Variants in SFXN5 observed in about 807,000 individuals in gnomAD.
SFXN5 encodes sideroflexin-5.
A neutral mutation model predicts 50.2 loss-of-function variants in SFXN5; 43 were observed. That is an observed-to-expected ratio of 0.86 (90% confidence interval 0.67 to 1.11). The LOEUF (loss-of-function observed/expected upper bound fraction) is 1.11, where lower values mean the gene tolerates loss of function less well. Among genes scored for constraint, SFXN5 ranks in the 50% least tolerant of loss-of-function variants. The pLI is 0.00. For synonymous variants in SFXN5, 203 were observed against 185.8 expected, an observed-to-expected ratio of 1.09 and a Z score of -0.75; for missense variants, 463 against 454.1, an observed-to-expected ratio of 1.02 and a Z score of -0.18.
In SFXN5 at chr2:72,959,540, T is replaced by C. The variant is rs561652556; in HGVS notation, c.945+1591A>G. Among the ~76,000 whole-genome samples, 9 of 152,236 alleles carry C rather than the reference T, an allele frequency of 5.9e-5. No individual in the cohort carries two copies. The South Asian group carries it at 1.0e-3, about 18-fold the overall frequency. ...CTTCCCCACCCTACTCTCTCCTGTC[T>C]GCTCAGTCACAAGAACACAGGAGCC... is the stretch of plus-strand genomic sequence containing the variant. On this transcript the variant is annotated intron_variant, in intron 13 of 13. Coordinates refer to ENST00000272433, the MANE Select transcript of SFXN5 (RefSeq NM_144579.3).
At chr2:72,998,845 A>C in intron 9 of SFXN5, 104 bp downstream of exon 9, 2 of 1,312,080 alleles carry the variant, frequency 1.5e-6, no homozygotes, top group Non-Finnish European at 2.1e-6. Context: ...CTGTCTCCCA[A>C]ATCCTTGCCT....
intron 10 of SFXN5, among the ~76,000 whole-genome samples, chr2:72,983,774 C>T (rs75816062): frequency 4.3e-4 from 66 of 152,322 alleles, no homozygotes; most frequent in African/African-American, 1.5e-3. Context: ...ACCTCTGGGA[C>T]CCAGGACTTG....
intron 10 of SFXN5, among the ~76,000 whole-genome samples, chr2:72,972,697 T>C (rs966744873): frequency 6.6e-6 from 1 of 151,864 alleles, no homozygotes; most frequent in Non-Finnish European, 1.5e-5. Flanking sequence ...GGTGGGCAGG[T>C]GGGGAGTGGG....
intron 7 of SFXN5, among the ~76,000 whole-genome samples, chr2:73,000,731 C>A (rs1673803756): frequency 6.6e-6 from 1 of 152,200 alleles, no homozygotes; most frequent in Non-Finnish European, 1.5e-5. Context: ...GTCCTGCGCA[C>A]CCCAGTAGTC....
intron 13 of SFXN5, among the ~76,000 whole-genome samples, chr2:72,947,343 C>T (rs564933740): frequency 2.0e-5 from 3 of 152,350 alleles, no homozygotes; most frequent in South Asian, 2.1e-4. Flanking sequence ...ACATCAGCCC[C>T]GATGTTGGGC....
chr2:73,064,914 G>A (rs1326474136), intron 1 of SFXN5, among the ~76,000 whole-genome samples: 2 of 152,162 alleles, frequency 1.3e-5, no homozygotes, highest in Non-Finnish European at 2.9e-5. Context: ...ACCCTCTAGA[G>A]TGGCTGGGAC....
chr2:73,046,088 C>T (rs1324796929), intron 2 of SFXN5, among the ~76,000 whole-genome samples: 2 of 152,284 alleles, frequency 1.3e-5, no homozygotes, highest in Middle Eastern at 3.4e-3. Flanking sequence ...GGAATTTACT[C>T]TAAAAAGTAA....
intron 5 of SFXN5, among the ~76,000 whole-genome samples, chr2:73,021,127 C>G (rs1041210176): frequency 6.6e-6 from 1 of 152,112 alleles, no homozygotes; most frequent in Non-Finnish European, 1.5e-5. Context: ...TCAAAAAGGT[C>G]AAGAATTACA....
chr2:72,982,265 G>A (rs1671398905), intron 10 of SFXN5, among the ~76,000 whole-genome samples: 1 of 152,002 alleles, frequency 6.6e-6, no homozygotes, highest in Admixed American at 6.6e-5. Context: ...GGAAAGGGGT[G>A]GGCCCATTGG....
At chr2:72,991,401 G>C in intron 9 of SFXN5, among the ~76,000 whole-genome samples, 1 of 152,292 alleles carries the variant, frequency 6.6e-6, no homozygotes, top group East Asian at 1.9e-4. Flanking sequence ...CCAAGAAAGG[G>C]GCTGGGGACC....
In SFXN5 at chr2:72,944,100, A is replaced by G. The variant is rs1671690550; in HGVS notation, c.*922T>C. On this transcript the variant is annotated 3_prime_UTR_variant, in exon 14 of 14. Transcript: ENST00000272433. The stretch of plus-strand genomic sequence containing the variant: ...GCCTTGGTGGCTGGAGAAGCTCCGC[A>G]GAAGGCAGCCAGCCCAGTCTAGCCC... 6.6e-6 allele frequency: 1 copy of G among 152,314 alleles called. No homozygotes were observed. The highest frequency in any genetic ancestry group is 1.5e-5 in the Non-Finnish European group (1 of 68,106). 9.4% of individuals were successfully genotyped at this position (152,314 alleles called of 1,614,324 possible). A position where few individuals can be genotyped will look rare whatever the true frequency, so the allele number is the denominator to read the frequency against.
intron 3 of SFXN5, among the ~76,000 whole-genome samples, chr2:73,034,571 T>C (rs80013209): frequency 8.2e-4 from 125 of 152,260 alleles, no homozygotes; most frequent in Non-Finnish European, 1.4e-3. Context: ...TTCATTACCC[T>C]GGGTGCAGGG....
chr2:72,959,836 A>G (rs1171587467), intron 13 of SFXN5, among the ~76,000 whole-genome samples: 1 of 152,158 alleles, frequency 6.6e-6, no homozygotes, highest in Non-Finnish European at 1.5e-5. Context: ...ATACATAAAT[A>G]AAAGCCCCTC....
At chr2:73,059,183 C>A in intron 1 of SFXN5, 1 of 986,276 alleles carries the variant, frequency 1.0e-6, no homozygotes, top group Admixed American at 6.1e-5. Flanking sequence ...AGAGCAGGGG[C>A]CGTGGAAAAG....
chr2:73,070,020 T>G (rs992788456), intron 1 of SFXN5, among the ~76,000 whole-genome samples: 5 of 152,084 alleles, frequency 3.3e-5, no homozygotes, highest in African/African-American at 4.8e-5. Context: ...TGGAGAGCTA[T>G]GAGGATCTGA....
chr2:73,014,217 A>G (rs1675884283), intron 6 of SFXN5, among the ~76,000 whole-genome samples: 2 of 152,092 alleles, frequency 1.3e-5, no homozygotes, highest in African/African-American at 2.4e-5. Flanking sequence ...TTTTCTTTTC[A>G]TATTTAAATG....
At chr2:73,026,135 T>C (rs1677522064) in intron 3 of SFXN5, among the ~76,000 whole-genome samples, 1 of 145,198 alleles carries the variant, frequency 6.9e-6, no homozygotes, top group South Asian at 2.1e-4. Context: ...GCTTTTTTTT[T>C]TTCTTTTTTT....
At chr2:73,017,135 A>G (rs766517299) in intron 6 of SFXN5, among the ~76,000 whole-genome samples, 4 of 152,214 alleles carry the variant, frequency 2.6e-5, no homozygotes, top group Non-Finnish European at 5.9e-5. Context: ...CGTCAGACAC[A>G]TCGGTATATA....
Position 72,981,852 on chromosome 2 carries a change from A to G in SFXN5, c.625+6406T>C, listed in dbSNP as rs546040236. 2.6e-4 allele frequency among the ~76,000 whole-genome samples: 39 copies of G among 152,336 alleles called. 1 individual carries two copies. The highest frequency in any genetic ancestry group is 5.1e-4 in the Non-Finnish European group (35 of 68,038). ...CTCAACAAACACCATTTCCGTACAT[A>G]ATTCAGTTCATATTAGATTCCTAAA... On this transcript the variant is annotated intron_variant, in intron 10 of 13. Transcript: ENST00000272433.
Sources: gnomAD v4.1 joint callset for allele counts (sites outside exome capture counted in the v4.1 genomes callset) on GRCh38, gnomAD v4.1.1 for gene constraint, MANE v1.5 for transcripts, NCBI Gene and HGNC (gene_info 2026-07-23, HGNC 2026-07-21) for gene names.